IL31RA: variants seen among roughly 807,000 people sequenced by gnomAD.
IL31RA encodes the protein interleukin 31 receptor A.
A neutral mutation model predicts 83.7 loss-of-function variants in IL31RA; 66 were observed. That is an observed-to-expected ratio of 0.79 (90% CI 0.65 to 0.97). The LOEUF (loss-of-function observed/expected upper bound fraction) is 0.97. Among genes scored for constraint, IL31RA ranks in the 50% least tolerant of loss-of-function variants. The pLI is 0.00. For synonymous variants in IL31RA, 325 were observed against 329.0 expected (o/e 0.99, Z 0.13); for missense variants, 798 against 919.4 (o/e 0.87, Z 1.71).
chr5:55,843,691 G>A, the IL31RA span, among the ~76,000 whole-genome samples: 1 of 152,102 alleles, frequency 6.6e-6, no homozygotes, highest in Non-Finnish European at 1.5e-5. Flanking sequence ...TCTTCTTGGA[G>A]AATTGGCCCC....
At chr5:55,864,093 T>C (rs1745854205) in intron 2 of IL31RA, among the ~76,000 whole-genome samples, 1 of 152,124 alleles carries the variant, frequency 6.6e-6, no homozygotes, top group South Asian at 2.1e-4. Context: ...GAGAATAATA[T>C]AAGACTAAGA....
chr5:55,859,468 A>C, intron 1 of IL31RA, 41 bp from the exon 2 acceptor site: 1 of 1,374,334 alleles, frequency 7.3e-7, no homozygotes, highest in South Asian at 1.2e-5. Context: ...TTTTGAAAAG[A>C]GATATGAAGC....
intron 13 of IL31RA, among the ~76,000 whole-genome samples, chr5:55,914,224 A>G (rs1180595818): frequency 6.6e-6 from 1 of 152,228 alleles, no homozygotes; most frequent in African/African-American, 2.4e-5. Context: ...AGCTGCACTT[A>G]GTTAATGGTC....
At chr5:55,853,606 A>T in intron 1 of IL31RA, 1 of 1,543,342 alleles carries the variant, frequency 6.5e-7, no homozygotes, top group Non-Finnish European at 8.8e-7. Context: ...TAGTTTGATC[A>T]TCTTTTTCTA....
chr5:55,912,282 C>T (rs1749542698), intron 12 of IL31RA, among the ~76,000 whole-genome samples: 1 of 152,184 alleles, frequency 6.6e-6, no homozygotes, highest in Admixed American at 6.5e-5. Flanking sequence ...AATCCAAACT[C>T]CTTCCTATAA....
At chr5:55,842,905 G>T in the IL31RA span, among the ~76,000 whole-genome samples, 1 of 152,276 alleles carries the variant, frequency 6.6e-6, no homozygotes, top group East Asian at 1.9e-4. Context: ...TTTCGTCTGG[G>T]ATTGTACTCT....
Position 55,919,035 on chromosome 5 carries a change from C to T in IL31RA, c.*1915C>T, listed in dbSNP as rs953653716. ...CTCCCTGCTCTCCCTGTTCTCCACCCCTTCTATGGTGTGGGCTCTTCTGTG... is the reference window on the plus strand; with the variant it reads ...CTCCCTGCTCTCCCTGTTCTCCACCTCTTCTATGGTGTGGGCTCTTCTGTG... On this transcript the variant is annotated 3_prime_UTR_variant, in exon 15 of 15. Transcript: ENST00000652347. Among the ~76,000 whole-genome samples the T allele has an allele frequency of 6.6e-6, 1 of 152,172 alleles. No individual in the cohort carries two copies. The highest frequency in any genetic ancestry group is 1.5e-5 in the Non-Finnish European group (1 of 68,032).
chr5:55,895,119 A>G (rs1748252238), intron 6 of IL31RA, among the ~76,000 whole-genome samples: 1 of 152,190 alleles, frequency 6.6e-6, no homozygotes, highest in African/African-American at 2.4e-5. Context: ...TGAGTGGTAG[A>G]CTCATTCTTT....
At position 55,879,425 on chromosome 5, in the gene IL31RA, C is replaced by CTTTTTTTTTTT. The variant is rs869152529; in HGVS notation, c.455-3604_455-3594dup. ...AAGTTTAGTTCAGCCAGTTTCTGTC[C>CTTTTTTTTTTT]TTTTTTTTTTTTTTTTTTTTTTTTT... On this transcript the variant is annotated intron_variant, in intron 4 of 14. Transcript: ENST00000652347. Among the ~76,000 whole-genome samples, 68 of 45,796 alleles carry CTTTTTTTTTTT rather than the reference C, an allele frequency of 1.5e-3. 11 individuals carry two copies. Among genetic ancestry groups the CTTTTTTTTTTT allele is most frequent in the African/African-American group, 2.2e-3 (23 of 10,358 alleles). 30.0% of individuals were successfully genotyped at this position (45,796 alleles called of 152,430 possible).
intron 1 of IL31RA, chr5:55,853,673 G>C: frequency 8.6e-7 from 1 of 1,158,298 alleles, no homozygotes; most frequent in Non-Finnish European, 1.2e-6. Flanking sequence ...GACCCACCAC[G>C]TGAATTTCTC....
At chr5:55,867,217 GTGTTTGTGTGTGTGTT>G (rs1746183638) in intron 2 of IL31RA, among the ~76,000 whole-genome samples, 1 of 125,002 alleles carries the variant, frequency 8.0e-6, no homozygotes, top group Non-Finnish European at 1.6e-5. Context: ...GTGCGCATGT[GTGTTTGTGTGTGTGTT>G]TGTGTGTGTG....
intron 2 of IL31RA, among the ~76,000 whole-genome samples, chr5:55,866,437 A>C (rs549373640): frequency 6.6e-6 from 1 of 150,534 alleles, no homozygotes; most frequent in East Asian, 2.0e-4. Flanking sequence ...CATTAGTTAG[A>C]TTCTCATAAG....
At chr5:55,871,629 A>C (rs1338493708) in intron 3 of IL31RA, among the ~76,000 whole-genome samples, 1 of 152,158 alleles carries the variant, frequency 6.6e-6, no homozygotes, top group African/African-American at 2.4e-5. Context: ...AAGAATGTAA[A>C]AAGTTACCCA....
chr5:55,853,283 T>G, intron 1 of IL31RA: 5 of 1,190,276 alleles, frequency 4.2e-6, no homozygotes, highest in Non-Finnish European at 5.2e-6. Context: ...CCTTTTTTTT[T>G]GTAGAGTTGA....
chr5:55,855,048 GC>G (rs1240863774), intron 1 of IL31RA, among the ~76,000 whole-genome samples: 8 of 152,076 alleles, frequency 5.3e-5, no homozygotes, highest in Admixed American at 1.3e-4. Flanking sequence ...GCTGAGCAGT[GC>G]ATCGCTTGAC....
chr5:55,916,633 T>C lies in IL31RA; in HGVS notation c.1819-11T>C, dbSNP rs969903011. ...AAATGACCACTTGGGATGTCCCTTT[T>C]TCTTTTCCAGGATAAGCTAAACCTG... On this transcript the variant is annotated splice_polypyrimidine_tract_variant and intron_variant, in intron 14 of 14. Coordinates refer to ENST00000652347, the MANE Select transcript of IL31RA (RefSeq NM_139017.7). The C allele has an allele frequency of 6.2e-7, 1 of 1,613,068 alleles. No homozygotes were observed. The highest frequency in any genetic ancestry group is 1.1e-5 in the South Asian group (1 of 91,050).
At position 55,890,095 on chromosome 5, in the gene IL31RA, T is replaced by G. The variant is rs147946984; in HGVS notation, c.732T>G (p.Ser244Arg). 6.8e-6 allele frequency: 11 copies of G among 1,613,582 alleles called. No individual in the cohort carries two copies. The African/African-American group carries it at 1.5e-4, about 22-fold the overall frequency. ...RCAVKESKFW[S>R]DWSQEKMGMT... ...CGGTCAAGGAGTCAAAGTTCTGGAG[T>G]GACTGGAGCCAAGAAAAAATGGGAA... The change falls in exon 6 of 15, where the codon AGT (serine) becomes AGG (arginine). Residue 244 changes from serine (S) to arginine (R), a missense_variant. Coordinates refer to ENST00000652347, the MANE Select transcript of IL31RA (RefSeq NM_139017.7).
chr5:55,907,125 C>T (rs1207635654), intron 9 of IL31RA, among the ~76,000 whole-genome samples: 1 of 151,974 alleles, frequency 6.6e-6, no homozygotes, highest in South Asian at 2.1e-4. Context: ...GGATTCCCTG[C>T]CTCCAAAAAA....
chr5:55,859,218 C>T (rs1488208180), intron 1 of IL31RA, among the ~76,000 whole-genome samples: 7 of 152,164 alleles, frequency 4.6e-5, no homozygotes, highest in Non-Finnish European at 5.9e-5. Flanking sequence ...CTCATAGCTG[C>T]ACATACTCAT....
Sources: allele counts gnomAD v4.1 joint callset (sites outside exome capture counted in the v4.1 genomes callset), GRCh38; gene constraint gnomAD v4.1.1; transcripts MANE v1.5; gene names NCBI Gene and HGNC (gene_info 2026-07-23, HGNC 2026-07-21).